TUSC3: variants seen among roughly 807,000 people sequenced by gnomAD.
The protein encoded by TUSC3 is tumor suppressor candidate 3, also known as dolichyl-diphosphooligosaccharide--protein glycosyltransferase subunit TUSC3.
TUSC3 carries 45 observed loss-of-function variants against 44.8 expected under a neutral mutation model. The observed-to-expected ratio is 1.00, with a 90% CI of 0.79 to 1.29. TUSC3 has a LOEUF of 1.29. Ranked by LOEUF, TUSC3 falls within the 50% of genes most tolerant of loss-of-function variation. TUSC3 has a pLI of 0.00. For synonymous variants in TUSC3, 212 were observed against 152.9 expected, an observed-to-expected ratio of 1.39 and a Z score of -2.85; for missense variants, 519 against 437.9, an observed-to-expected ratio of 1.19 and a Z score of -1.65.
chr8:15,540,580 C>A lies in TUSC3; in HGVS notation c.138+12C>A, dbSNP rs769978472. On this transcript the variant is annotated intron_variant, in intron 1 of 10. Transcript: ENST00000503731. ...AGAAGAAAAAGGAGGTAGAATGGATCCCCTTGGCCTTCCCCTGTGGGCGGG... is the reference window on the plus strand; with the variant it reads ...AGAAGAAAAAGGAGGTAGAATGGATACCCTTGGCCTTCCCCTGTGGGCGGG... The A allele has an allele frequency of 1.9e-6, 3 of 1,553,816 alleles. No individual in the cohort carries two copies. Among genetic ancestry groups the A allele is most frequent in the South Asian group, 1.2e-5 (1 of 86,010 alleles).
intron 2 of TUSC3, among the ~76,000 whole-genome samples, chr8:15,525,887 G>C (rs1801367357): frequency 6.6e-6 from 1 of 152,164 alleles, no homozygotes; most frequent in Non-Finnish European, 1.5e-5. Context: ...AAAGTACGTA[G>C]GAAAAGAAAC....
chr8:15,419,865 T>C (rs1585780233), intron 1 of TUSC3, among the ~76,000 whole-genome samples: 1 of 152,174 alleles, frequency 6.6e-6, no homozygotes, highest in African/African-American at 2.4e-5. Context: ...TATAAACATA[T>C]TGAGAACATC....
intron 9 of TUSC3, among the ~76,000 whole-genome samples, chr8:15,749,104 CCTT>C (rs906218016): frequency 1.2e-4 from 16 of 135,272 alleles, no homozygotes; most frequent in Admixed American, 7.2e-4. Context: ...GCTTTTTCCT[CCTT>C]CAAGTTTTCT....
At chr8:15,775,693 C>T in the TUSC3 span, among the ~76,000 whole-genome samples, 34 of 147,594 alleles carry the variant, frequency 2.3e-4, no homozygotes, top group East Asian at 4.2e-3. Flanking sequence ...CATATGTACA[C>T]ACACACATAT....
intron 1 of TUSC3, among the ~76,000 whole-genome samples, chr8:15,590,062 T>C (rs1803760657): frequency 6.6e-6 from 1 of 152,216 alleles, no homozygotes; most frequent in South Asian, 2.1e-4. Context: ...TCTATTAATA[T>C]TCTGTTAAAA....
chr8:15,719,540 A>C (rs1810215954), intron 6 of TUSC3, among the ~76,000 whole-genome samples: 1 of 147,812 alleles, frequency 6.8e-6, no homozygotes, highest in Non-Finnish European at 1.5e-5. Flanking sequence ...ACACACACAC[A>C]CACACACAGC....
At chr8:15,718,343 G>T (rs193274461) in intron 6 of TUSC3, among the ~76,000 whole-genome samples, 1 of 152,240 alleles carries the variant, frequency 6.6e-6, no homozygotes, top group Admixed American at 6.6e-5. Flanking sequence ...TGAAGCTTAG[G>T]TCATTAGAAG....
chr8:15,821,935 G>A, the TUSC3 span, among the ~76,000 whole-genome samples: 1 of 152,174 alleles, frequency 6.6e-6, no homozygotes, highest in Admixed American at 6.5e-5. Flanking sequence ...GACAGGTAAA[G>A]AGGGTGACCT....
At chr8:15,654,476 G>C (rs1391068471) in intron 3 of TUSC3, among the ~76,000 whole-genome samples, 3 of 152,114 alleles carry the variant, frequency 2.0e-5, no homozygotes, top group Admixed American at 2.0e-4. Flanking sequence ...TTTTATATAT[G>C]TTATATATAC....
chr8:15,455,988 A>G (rs7818555), intron 1 of TUSC3, among the ~76,000 whole-genome samples: 133,185 of 152,144 alleles, frequency 0.88, 58,674 homozygotes, highest in Admixed American at 0.93. Context: ...TTGCTTGTCT[A>G]ATGACCAATG....
chr8:15,478,946 G>C (rs754381100), intron 1 of TUSC3, among the ~76,000 whole-genome samples: 1 of 152,076 alleles, frequency 6.6e-6, no homozygotes, highest in Non-Finnish European at 1.5e-5. Context: ...AGCAACTGTT[G>C]TTTCTTGACT....
chr8:15,447,120 T>C (rs1410255175), intron 1 of TUSC3, among the ~76,000 whole-genome samples: 1 of 151,784 alleles, frequency 6.6e-6, no homozygotes, highest in Non-Finnish European at 1.5e-5. Context: ...TTCATATGCA[T>C]AATAAGTATA....
At chr8:15,647,721 TG>T (rs1454973146) in intron 2 of TUSC3, among the ~76,000 whole-genome samples, 1 of 152,204 alleles carries the variant, frequency 6.6e-6, no homozygotes, top group African/African-American at 2.4e-5. Flanking sequence ...TCTGAGAATT[TG>T]GGGTCTAATT....
At chr8:15,565,055 A>G (rs1019177808) in intron 1 of TUSC3, among the ~76,000 whole-genome samples, 1 of 152,184 alleles carries the variant, frequency 6.6e-6, no homozygotes, top group Non-Finnish European at 1.5e-5. Context: ...GCTTAAAACA[A>G]CAGCAATCGA....
At chr8:15,667,287 G>A (rs896242362) in intron 5 of TUSC3, among the ~76,000 whole-genome samples, 1 of 150,696 alleles carries the variant, frequency 6.6e-6, no homozygotes, top group Non-Finnish European at 1.5e-5. Flanking sequence ...CCTTTTTTTT[G>A]TAACTAAAGC....
In TUSC3 at chr8:15,452,129, G is replaced by A. The variant is rs150681713; in HGVS notation, n.92-31257G>A. ...TAATGGTAATAGTGTTTTACATGAC[G>A]TTAACCGTGAAGTTATTGAGTGTTA... On this transcript the variant is annotated intron_variant and non_coding_transcript_variant, in intron 1 of 5. Transcript: ENST00000503191. 5.2e-3 allele frequency among the ~76,000 whole-genome samples: 790 copies of A among 152,210 alleles called. 5 individuals are homozygous for A. Among genetic ancestry groups the A allele is most frequent in the African/African-American group, 0.017 (707 of 41,516 alleles).
intron 1 of TUSC3, among the ~76,000 whole-genome samples, chr8:15,449,378 G>T (rs1205750959): frequency 6.6e-6 from 1 of 152,154 alleles, no homozygotes; most frequent in Non-Finnish European, 1.5e-5. Flanking sequence ...GATGTCAAAA[G>T]GTGAAGCAGA....
intron 2 of TUSC3, among the ~76,000 whole-genome samples, chr8:15,634,891 A>T (rs533781807): frequency 6.6e-6 from 1 of 152,236 alleles, no homozygotes; most frequent in Non-Finnish European, 1.5e-5. Context: ...AATGAAATTT[A>T]TAGAGACTGA....
intron 1 of TUSC3, among the ~76,000 whole-genome samples, chr8:15,457,157 G>A (rs1008546487): frequency 7.2e-6 from 1 of 139,384 alleles, no homozygotes; most frequent in Non-Finnish European, 1.5e-5. Flanking sequence ...TCACACACTG[G>A]GGCCTGTTGT....
Sources: gnomAD v4.1 joint callset for allele counts (sites outside exome capture counted in the v4.1 genomes callset) on GRCh38, gnomAD v4.1.1 for gene constraint, MANE v1.5 for transcripts, NCBI Gene and HGNC (gene_info 2026-07-23, HGNC 2026-07-21) for gene names.